BMERB1: variants seen among roughly 807,000 people sequenced by gnomAD.
BMERB1 encodes the protein bMERB domain containing 1, also known as bMERB domain-containing protein 1.
BMERB1 carries 12 observed loss-of-function variants against 23.6 expected under a neutral mutation model. That is an observed-to-expected ratio of 0.51 (90% CI 0.33 to 0.82). The LOEUF (loss-of-function observed/expected upper bound fraction) is 0.82, where lower values mean the gene tolerates loss of function less well. BMERB1 is among the 40% of genes least tolerant of loss of function. BMERB1 has a pLI of 0.03. For missense variants in BMERB1, 247 were observed against 255.4 expected, an observed-to-expected ratio of 0.97 and a Z score of 0.22; for synonymous variants, 122 against 96.6, an observed-to-expected ratio of 1.26 and a Z score of -1.54.
chr16:15,489,427 TG>T (rs1306695991), intron 1 of BMERB1, among the ~76,000 whole-genome samples: 1 of 152,130 alleles, frequency 6.6e-6, no homozygotes, highest in Non-Finnish European at 1.5e-5. Context: ...TTCCTCCCAT[TG>T]GCAAAATTCC....
chr16:15,574,942 G>C (rs1000752856), intron 3 of BMERB1, among the ~76,000 whole-genome samples: 6 of 152,144 alleles, frequency 3.9e-5, no homozygotes, highest in African/African-American at 1.4e-4. Flanking sequence ...AGCCGCGTGT[G>C]GTGGCGCCTG....
At chr16:15,451,733 ATTTTTTTTT>A (rs71152429) in intron 1 of BMERB1, among the ~76,000 whole-genome samples, 5 of 77,402 alleles carry the variant, frequency 6.5e-5, no homozygotes, top group African/African-American at 1.2e-4. Flanking sequence ...TAGCTAACTA[ATTTTTTTTT>A]TTTTTTTTTT....
Position 15,434,702 on chromosome 16 carries a change from C to T in BMERB1, c.49C>T (p.Leu17=), listed in dbSNP as rs758096189. The change falls in exon 1 of 6, where the codon CTG becomes TTG. Residue 17 remains leucine (L), a synonymous_variant. Coordinates refer to ENST00000300006, the MANE Select transcript of BMERB1 (RefSeq NM_033201.3). ...CACCCATCTGGAAGCCGAGAAGCCTCTGAGGCGCTATGGGGCGGTGGAGGA... is the reference window on the plus strand; with the variant it reads ...CACCCATCTGGAAGCCGAGAAGCCTTTGAGGCGCTATGGGGCGGTGGAGGA... The part of the protein sequence containing the change: ...LSTHLEAEKP[L]RRYGAVEETA... 6.2e-7 allele frequency: 1 copy of T among 1,612,508 alleles called. No individual in the cohort carries two copies. The highest frequency in any genetic ancestry group is 1.1e-5 in the South Asian group (1 of 91,068).
At chr16:15,495,972 A>AATG (rs377531870) in intron 1 of BMERB1, among the ~76,000 whole-genome samples, 6 of 149,232 alleles carry the variant, frequency 4.0e-5, no homozygotes, top group Admixed American at 6.6e-5. Flanking sequence ...TGGTGGTGGC[A>AATG]ATGATGATGA....
chr16:15,465,356 T>A (rs369899050), intron 1 of BMERB1, among the ~76,000 whole-genome samples: 4,750 of 143,828 alleles, frequency 0.033, 166 homozygotes, highest in African/African-American at 0.1. Context: ...GATATATATT[T>A]TTTTTTTTTT....
intron 1 of BMERB1, among the ~76,000 whole-genome samples, chr16:15,504,629 T>C (rs541003692): frequency 6.6e-6 from 1 of 152,090 alleles, no homozygotes; most frequent in Non-Finnish European, 1.5e-5. Flanking sequence ...TTACATTTTA[T>C]TTTTGTAGAG....
intron 3 of BMERB1, among the ~76,000 whole-genome samples, chr16:15,569,202 C>T (rs966051676): frequency 1.3e-5 from 2 of 151,764 alleles, no homozygotes; most frequent in Non-Finnish European, 2.9e-5. Flanking sequence ...GGTGACAGAG[C>T]GAGACTCCGA....
intron 1 of BMERB1, among the ~76,000 whole-genome samples, chr16:15,472,968 T>C (rs540807249): frequency 6.6e-6 from 1 of 151,844 alleles, no homozygotes; most frequent in African/African-American, 2.4e-5. Context: ...CAAGCAGTTC[T>C]CATGCCTCAG....
chr16:15,530,986 A>G (rs73499146), intron 2 of BMERB1, among the ~76,000 whole-genome samples: 10,121 of 147,364 alleles, frequency 0.069, 1,112 homozygotes, highest in African/African-American at 0.23. Context: ...GCTCACTACA[A>G]CCACCACCTC....
intron 3 of BMERB1, among the ~76,000 whole-genome samples, chr16:15,569,354 G>T (rs561264339): frequency 6.6e-6 from 1 of 152,118 alleles, no homozygotes; most frequent in Non-Finnish European, 1.5e-5. Context: ...TAATCATGGC[G>T]GAAGACAAGG....
At position 15,584,100 on chromosome 16, in the gene BMERB1, T is replaced by G. The variant is rs1177376899; in HGVS notation, c.502+862T>G. On this transcript the variant is annotated intron_variant, in intron 5 of 5. Transcript: ENST00000300006. ...AAGAGGGTTTTATATGAAATAAGTTTGAGAAATGCTGTTTACTTGACCCTG... is the reference window on the plus strand; with the variant it reads ...AAGAGGGTTTTATATGAAATAAGTTGGAGAAATGCTGTTTACTTGACCCTG... 4 of 700,810 alleles carry G rather than the reference T, an allele frequency of 5.7e-6. No homozygotes were observed. The South Asian group carries it at 5.9e-5, about 10-fold the overall frequency. 43.4% of individuals were successfully genotyped at this position (700,810 alleles called of 1,614,324 possible).
intron 1 of BMERB1, among the ~76,000 whole-genome samples, chr16:15,472,818 C>G (rs1379535918): frequency 6.7e-6 from 1 of 149,632 alleles, no homozygotes; most frequent in Non-Finnish European, 1.5e-5. Context: ...TTCTCTTTTC[C>G]TACTTTCCTA....
At chr16:15,478,906 G>A (rs1236184424) in intron 1 of BMERB1, among the ~76,000 whole-genome samples, 1 of 152,200 alleles carries the variant, frequency 6.6e-6, no homozygotes, top group African/African-American at 2.4e-5. Flanking sequence ...TACACGAAAA[G>A]CACTTCTTCT....
At chr16:15,505,337 AT>A (rs1402003378) in intron 1 of BMERB1, among the ~76,000 whole-genome samples, 1 of 152,186 alleles carries the variant, frequency 6.6e-6, no homozygotes, top group East Asian at 1.9e-4. Context: ...AACCTTTTTG[AT>A]TACCTAAAGG....
chr16:15,554,287 C>G (rs140270636), intron 2 of BMERB1, among the ~76,000 whole-genome samples: 1 of 152,260 alleles, frequency 6.6e-6, no homozygotes, highest in East Asian at 1.9e-4. Flanking sequence ...TACTCTGTGA[C>G]GTTGAACAAG....
At chr16:15,542,042 G>A (rs1405540877) in intron 2 of BMERB1, among the ~76,000 whole-genome samples, 3 of 150,192 alleles carry the variant, frequency 2.0e-5, no homozygotes, top group East Asian at 3.9e-4. Flanking sequence ...CTCTGCATCC[G>A]GCAGTGCCCC....
intron 2 of BMERB1, among the ~76,000 whole-genome samples, chr16:15,558,790 A>T (rs988449463): frequency 2.0e-5 from 3 of 148,686 alleles, no homozygotes; most frequent in Admixed American, 1.3e-4. Context: ...GTAAGTGGTT[A>T]AAAGCAAGCA....
At chr16:15,492,349 G>T (rs1197365617) in intron 1 of BMERB1, among the ~76,000 whole-genome samples, 5 of 152,160 alleles carry the variant, frequency 3.3e-5, no homozygotes, top group Admixed American at 3.3e-4. Context: ...CGAGGTTCTG[G>T]ATTTTTGCTC....
intron 2 of BMERB1, among the ~76,000 whole-genome samples, chr16:15,563,786 A>G (rs11863705): frequency 0.11 from 15,976 of 152,138 alleles, 2,568 homozygotes; most frequent in African/African-American, 0.34. Context: ...GTCCACCCCC[A>G]TGATCCAATC....
Sources: gnomAD v4.1 joint callset for allele counts (sites outside exome capture counted in the v4.1 genomes callset) on GRCh38, gnomAD v4.1.1 for gene constraint, MANE v1.5 for transcripts, NCBI Gene and HGNC (gene_info 2026-07-23, HGNC 2026-07-21) for gene names.